The following FBN1 variants were observed in gnomAD, a reference collection of about 807,000 sequenced individuals.
The protein encoded by FBN1 is fibrillin 1.
FBN1 carries 29 observed loss-of-function variants against 365.1 expected under a neutral mutation model. The observed-to-expected ratio is 0.08, with a 90% CI of 0.06 to 0.11. The LOEUF (loss-of-function observed/expected upper bound fraction) is 0.11. Ranked by LOEUF, FBN1 falls within the 10% of genes least tolerant of loss-of-function variation. The pLI is 1.00. For missense variants in FBN1, 2,476 were observed against 3,703.2 expected, an observed-to-expected ratio of 0.67 and a Z score of 8.60; for synonymous variants, 1,210 against 1,270.5, an observed-to-expected ratio of 0.95 and a Z score of 1.01.
At chr15:48,578,643 T>G (rs2044367098) in intron 6 of FBN1, among the ~76,000 whole-genome samples, 1 of 151,908 alleles carries the variant, frequency 6.6e-6, no homozygotes, top group Non-Finnish European at 1.5e-5. Context: ...TAAGAAAATG[T>G]GGCACATATA....
intron 7 of FBN1, among the ~76,000 whole-genome samples, chr15:48,536,271 C>A (rs2044013223): frequency 6.6e-6 from 1 of 151,936 alleles, no homozygotes; most frequent in Non-Finnish European, 1.5e-5. Context: ...TAGAAAGAAA[C>A]AGGAAGCAAA....
At chr15:48,553,233 G>A (rs1017776014) in intron 6 of FBN1, among the ~76,000 whole-genome samples, 2 of 152,096 alleles carry the variant, frequency 1.3e-5, no homozygotes, top group Non-Finnish European at 2.9e-5. Context: ...TCAATTGAAA[G>A]TAAAGACCAC....
intron 18 of FBN1, 129 bp downstream of exon 18, chr15:48,498,856 A>G (rs2043631415): frequency 1.1e-6 from 1 of 910,140 alleles, no homozygotes; most frequent in South Asian, 1.3e-5. Context: ...TCCCAGATAC[A>G]TGGCACAGTG....
rs2043849423 is a variant in FBN1 at position 48,520,938 on chromosome 15, C to G, written c.989-121G>C. On this transcript the variant is annotated intron_variant, in intron 9 of 65. Coordinates refer to ENST00000316623, the MANE Select transcript of FBN1 (RefSeq NM_000138.5). ...GCTACGGCAGGATTAACTCACACCT[C>G]TGCCCCCCGGAAGGGAAGCTGCGAG... is the stretch of plus-strand genomic sequence containing the variant. 3 of 1,341,682 alleles carry G rather than the reference C, an allele frequency of 2.2e-6. No individual in the cohort carries two copies. The Admixed American group carries it at 5.6e-5, about 25-fold the overall frequency. 83.1% of individuals were successfully genotyped at this position (1,341,682 alleles called of 1,614,324 possible).
Position 48,581,791 on chromosome 15 carries a change from C to T in FBN1, c.538+14492G>A, listed in dbSNP as rs970557618. Among the ~76,000 whole-genome samples the T allele has an allele frequency of 3.3e-5, 5 of 152,104 alleles. 1 individual carries two copies. Among genetic ancestry groups the T allele is most frequent in the East Asian group, 3.9e-4 (2 of 5,172 alleles). On this transcript the variant is annotated intron_variant, in intron 6 of 65. Coordinates refer to ENST00000316623, the MANE Select transcript of FBN1 (RefSeq NM_000138.5). Reference sequence around the variant, plus strand: ...TAATAATAACAAAAGGTAATGCTAGCGACCACAGTGAGCTCTAAAAGCAAG... The same window carrying T: ...TAATAATAACAAAAGGTAATGCTAGTGACCACAGTGAGCTCTAAAAGCAAG...
At chr15:48,549,131 T>C (rs1471984994) in intron 6 of FBN1, among the ~76,000 whole-genome samples, 2 of 152,248 alleles carry the variant, frequency 1.3e-5, no homozygotes, top group Non-Finnish European at 2.9e-5. Flanking sequence ...TTAGTGCTGC[T>C]GGTCTATGGG....
chr15:48,620,485 C>A (rs1034989287), intron 2 of FBN1, among the ~76,000 whole-genome samples: 1 of 152,150 alleles, frequency 6.6e-6, no homozygotes, highest in African/African-American at 2.4e-5. Context: ...AGAGATTAAT[C>A]CATCTAAATT....
intron 6 of FBN1, among the ~76,000 whole-genome samples, chr15:48,577,679 C>T (rs2044359547): frequency 6.6e-6 from 1 of 152,124 alleles, no homozygotes; most frequent in Non-Finnish European, 1.5e-5. Flanking sequence ...CTCATTGCCC[C>T]GCCTTCCCTG....
chr15:48,517,135 A>G (rs536725365), intron 10 of FBN1, among the ~76,000 whole-genome samples: 1 of 152,312 alleles, frequency 6.6e-6, no homozygotes, highest in East Asian at 1.9e-4. Flanking sequence ...GGTGGGTAGA[A>G]ACCAAGTTCC....
At chr15:48,502,991 A>G (rs1306579707) in intron 17 of FBN1, among the ~76,000 whole-genome samples, 1 of 152,256 alleles carries the variant, frequency 6.6e-6, no homozygotes, top group East Asian at 1.9e-4. Context: ...CTCAGGTTAA[A>G]TCAAATCATT....
intron 7 of FBN1, among the ~76,000 whole-genome samples, chr15:48,534,639 T>A (rs1477244764): frequency 6.6e-6 from 1 of 152,222 alleles, no homozygotes; most frequent in Non-Finnish European, 1.5e-5. Flanking sequence ...GAAACTACCT[T>A]TAAGAGTTGT....
intron 44 of FBN1, among the ~76,000 whole-genome samples, chr15:48,453,139 C>T (rs1269621720): frequency 6.6e-6 from 1 of 151,724 alleles, no homozygotes; most frequent in African/African-American, 2.4e-5. Context: ...ACCTGCAATC[C>T]CAGCTACTTG....
intron 8 of FBN1, among the ~76,000 whole-genome samples, chr15:48,527,642 C>A (rs921354552): frequency 1.3e-5 from 2 of 152,234 alleles, no homozygotes; most frequent in African/African-American, 4.8e-5. Context: ...ATTCAAGTAT[C>A]TTCTGACTCA....
At chr15:48,567,437 A>G (rs1176774012) in intron 6 of FBN1, among the ~76,000 whole-genome samples, 2 of 152,174 alleles carry the variant, frequency 1.3e-5, no homozygotes, top group African/African-American at 4.8e-5. Context: ...GTTTAAAAAA[A>G]ATAAATTGGC....
At chr15:48,444,036 A>AAAAC (rs200749484) in intron 49 of FBN1, among the ~76,000 whole-genome samples, 1 of 152,170 alleles carries the variant, frequency 6.6e-6, no homozygotes, top group Non-Finnish European at 1.5e-5. Flanking sequence ...GTCTCCATTA[A>AAAAC]AAACAAACAA....
At chr15:48,434,801 T>C in intron 53 of FBN1, 88 bp from the exon 54 acceptor site, 1 of 1,511,950 alleles carries the variant, frequency 6.6e-7, no homozygotes, top group Non-Finnish European at 9.1e-7. Context: ...GTAATTTTGT[T>C]GTTGTTGTTG....
chr15:48,412,993 A>T (rs2042876573), intron 64 of FBN1, among the ~76,000 whole-genome samples: 1 of 152,224 alleles, frequency 6.6e-6, no homozygotes, highest in East Asian at 1.9e-4. Flanking sequence ...TTATCTCTTC[A>T]TTCCCAAACC....
At chr15:48,570,334 G>C (rs76482294) in intron 6 of FBN1, among the ~76,000 whole-genome samples, 3 of 152,086 alleles carry the variant, frequency 2.0e-5, no homozygotes, top group Non-Finnish European at 4.4e-5. Context: ...TAGCAAATAA[G>C]ATTCTTTACA....
At chr15:48,540,719 T>C (rs1262738257) in intron 6 of FBN1, among the ~76,000 whole-genome samples, 2 of 152,182 alleles carry the variant, frequency 1.3e-5, no homozygotes, top group Admixed American at 1.3e-4. Context: ...AATAAAACTC[T>C]CCATGTTAGG....
Sources: allele counts gnomAD v4.1 joint callset (sites outside exome capture counted in the v4.1 genomes callset), GRCh38; gene constraint gnomAD v4.1.1; transcripts MANE v1.5; gene names NCBI Gene and HGNC (gene_info 2026-07-23, HGNC 2026-07-21).